MAU2: variants seen among roughly 807,000 people sequenced by gnomAD.
MAU2 encodes the protein MAU2 sister chromatid cohesion factor, also known as MAU2 chromatid cohesion factor homolog.
MAU2 carries 9 observed loss-of-function variants against 89.1 expected under a neutral mutation model. The observed-to-expected ratio is 0.10, with a 90% CI of 0.06 to 0.18. The LOEUF is 0.18. MAU2 is among the 10% of genes least tolerant of loss of function. MAU2 has a pLI of 1.00. For synonymous variants in MAU2, 357 were observed against 343.4 expected, an observed-to-expected ratio of 1.04 and a Z score of -0.44; for missense variants, 425 against 803.5, an observed-to-expected ratio of 0.53 and a Z score of 5.69.
rs150150358 is a variant in MAU2 at position 19,348,918 on chromosome 19, G to A, written c.1338G>A (p.Pro446=). The A allele has an allele frequency of 8.1e-5, 131 of 1,613,634 alleles. No homozygotes were observed. In the Middle Eastern group the frequency reaches 3.8e-3, roughly 47 times the overall value. The change falls in exon 14 of 19, where the codon CCG becomes CCA. Residue 446 remains proline, a synonymous_variant. Coordinates refer to ENST00000262815, the MANE Select transcript of MAU2 (RefSeq NM_015329.4). ...VLYSLLERIN[P]DHSFPVSSHC... is the part of the protein sequence containing the mutation. ...ACAGTCTGCTGGAGAGGATCAACCCGGACCACAGCTTCCCTGTCAGGTGAG... is the reference window on the plus strand; with the variant it reads ...ACAGTCTGCTGGAGAGGATCAACCCAGACCACAGCTTCCCTGTCAGGTGAG...
rs2061713429 is a variant in MAU2, at chr19:19,348,456, G to A, written c.1309-433G>A. 6 of 277,142 alleles carry A rather than the reference G, an allele frequency of 2.2e-5. No homozygotes were observed. The South Asian group carries it at 2.2e-4, about 10-fold the overall frequency. 17.2% of individuals were successfully genotyped at this position (277,142 alleles called of 1,614,324 possible). On this transcript the variant is annotated intron_variant, in intron 13 of 18. Coordinates refer to ENST00000262815, the MANE Select transcript of MAU2 (RefSeq NM_015329.4). ...AGGAGTTTGGCTCCCCTGTGCCTCT[G>A]CAGCTAGAGGGCAGCTAAATTATCA... is the stretch of plus-strand genomic sequence containing the variant.
chr19:19,345,477 GC>G lies in MAU2; in HGVS notation c.1221+110del. The stretch of plus-strand genomic sequence containing the variant: ...AGTCGCGCTAGGTCAGCTATGCAAA[GC>G]CGCAGCCCCAGAGGCAATGCACAGT... On this transcript the variant is annotated intron_variant, in intron 12 of 18. Coordinates refer to ENST00000262815, the MANE Select transcript of MAU2 (RefSeq NM_015329.4). This position sits in a 1 kb window ranked among gnomAD's most constrained non-coding sequence, Gnocchi z 4.9. 1 of 1,072,690 alleles carries G rather than the reference GC, an allele frequency of 9.3e-7. No homozygotes were observed. Among genetic ancestry groups the G allele is most frequent in the Non-Finnish European group, 1.4e-6 (1 of 709,124 alleles). 66.4% of individuals were successfully genotyped at this position (1,072,690 alleles called of 1,614,324 possible).
In MAU2 at chr19:19,345,241, G is replaced by GT. The variant is rs2061683542; in HGVS notation, c.1156-62dup. ...GCCGTGCAGGCCCCGGGCACACCAC[G>GT]TGTCTCTGATCTGAGCCCCCTCCCC... On this transcript the variant is annotated intron_variant, in intron 11 of 18. Coordinates refer to ENST00000262815, the MANE Select transcript of MAU2 (RefSeq NM_015329.4). The surrounding 1 kb of genome is among the most constrained non-coding windows in gnomAD (Gnocchi z 4.9). 2.1e-6 allele frequency: 3 copies of GT among 1,453,236 alleles called. No individual in the cohort carries two copies. Among genetic ancestry groups the GT allele is most frequent in the Non-Finnish European group, 2.9e-6 (3 of 1,035,180 alleles). 90.0% of individuals were successfully genotyped at this position (1,453,236 alleles called of 1,614,324 possible).
rs768400164 is a variant in MAU2, at chr19:19,335,732, G to A, written c.291G>A (p.Gln97=). The A allele has an allele frequency of 6.2e-7, 1 of 1,614,070 alleles. No individual in the cohort carries two copies. Among genetic ancestry groups the A allele is most frequent in the Non-Finnish European group, 8.5e-7 (1 of 1,179,912 alleles). ...TTCTTTTTCAGTGGTTGATATCACA[G>A]CAAGTATCCTTTCCGTGTTGGTATG... is the stretch of plus-strand genomic sequence containing the variant. The part of the protein sequence containing the change: ...SHLEKAWLIS[Q]QIPQFEDVKF... The change falls in exon 2 of 19, where the codon CAG becomes CAA. Residue 97 remains glutamine (Q), a synonymous_variant. Coordinates refer to ENST00000262815, the MANE Select transcript of MAU2 (RefSeq NM_015329.4).
At chr19:19,334,149 C>G in intron 1 of MAU2, 1 of 984,972 alleles carries the variant, frequency 1.0e-6, no homozygotes, top group Non-Finnish European at 1.2e-6. Flanking sequence ...TTGCATCACA[C>G]ACGTTGCCAC....
At chr19:19,329,230 C>G (rs2061535548) in intron 1 of MAU2, 1 of 423,006 alleles carries the variant, frequency 2.4e-6, no homozygotes, top group Non-Finnish European at 4.7e-6. Context: ...CTGCAGGGAG[C>G]AGAGACTTGT....
intron 1 of MAU2, among the ~76,000 whole-genome samples, chr19:19,327,778 G>A (rs941350749): frequency 4.6e-5 from 7 of 152,044 alleles, no homozygotes; most frequent in African/African-American, 1.7e-4. Flanking sequence ...CCCTGGGTCT[G>A]CTCAGCAGAT....
chr19:19,332,940 G>A (rs975648772), intron 1 of MAU2, among the ~76,000 whole-genome samples: 9 of 152,122 alleles, frequency 5.9e-5, no homozygotes, highest in Non-Finnish European at 1.0e-4. Context: ...AGCCAGGCAT[G>A]GTGGCGCATG....
intron 1 of MAU2, among the ~76,000 whole-genome samples, chr19:19,331,890 G>A (rs1301011821): frequency 6.6e-6 from 1 of 152,220 alleles, no homozygotes; most frequent in Non-Finnish European, 1.5e-5. Context: ...CATGCAGAGA[G>A]ATCCAGGTGT....
intron 1 of MAU2, 31 bp downstream of exon 1, chr19:19,321,166 T>C (rs1329024890): frequency 6.5e-7 from 1 of 1,549,240 alleles, no homozygotes; most frequent in South Asian, 1.2e-5. Context: ...GAGGGAGGAG[T>C]CGCGGGCTCC....
chr19:19,354,573 C>G, intron 17 of MAU2, 128 bp downstream of exon 17: 2 of 787,518 alleles, frequency 2.5e-6, no homozygotes, highest in Non-Finnish European at 2.1e-6. Context: ...CCAGTTCTAG[C>G]ATGGGTAGGG....
rs75891480 is a variant in MAU2, at chr19:19,343,526, G to A, written c.974-311G>A. Among the ~76,000 whole-genome samples the A allele has an allele frequency of 3.2e-3, 478 of 149,878 alleles. 3 individuals carry two copies. Among genetic ancestry groups the A allele is most frequent in the African/African-American group, 0.011 (458 of 41,386 alleles). On this transcript the variant is annotated intron_variant, in intron 9 of 18. Coordinates refer to ENST00000262815, the MANE Select transcript of MAU2 (RefSeq NM_015329.4). ...CTGCATGGTGTCATGATCCAGGGTGGTTTCCACATTTCTACATTTCTAGAA... is the reference window on the plus strand; with the variant it reads ...CTGCATGGTGTCATGATCCAGGGTGATTTCCACATTTCTACATTTCTAGAA...
chr19:19,332,213 TGCAACA>T (rs1331106259), intron 1 of MAU2, among the ~76,000 whole-genome samples: 1 of 151,304 alleles, frequency 6.6e-6, no homozygotes, highest in Non-Finnish European at 1.5e-5. Flanking sequence ...CAGGCTGGAG[TGCAACA>T]GCACAATCAT....
intron 5 of MAU2, 110 bp downstream of exon 5, chr19:19,339,049 C>T (rs1157711542): frequency 2.4e-6 from 2 of 837,086 alleles, no homozygotes; most frequent in Non-Finnish European, 3.7e-6. Flanking sequence ...TACAGTAGCT[C>T]ACAGTATATT....
chr19:19,351,260 C>G (rs1189712770), intron 16 of MAU2, among the ~76,000 whole-genome samples: 11 of 151,902 alleles, frequency 7.2e-5, no homozygotes, highest in Admixed American at 5.9e-4. Flanking sequence ...GTTACCCAGA[C>G]TGGTCTTGAA....
In MAU2 at chr19:19,321,060, A is replaced by C; in HGVS notation, c.201A>C (p.Thr67=). Residue 67 remains threonine, a synonymous_variant, in exon 1 of 19, where the codon ACA becomes ACC. Coordinates refer to ENST00000262815, the MANE Select transcript of MAU2 (RefSeq NM_015329.4). ...CGCCGCAGCGCATCGAGGCCCGTAC[A>C]CACCTGCAGCTGGGCTCCGTTCTCT... The part of the protein sequence containing the change: ...FKPPQRIEAR[T]HLQLGSVLYH... The C allele has an allele frequency of 1.2e-6, 2 of 1,612,464 alleles. No individual in the cohort carries two copies. The highest frequency in any genetic ancestry group is 2.2e-5 in the East Asian group (1 of 44,794).
At position 19,325,644 on chromosome 19, in the gene MAU2, TA is replaced by T. The variant is rs1398383929; in HGVS notation, c.276+4511del. 3.4e-4 allele frequency among the ~76,000 whole-genome samples: 51 copies of T among 152,084 alleles called. 1 individual carries two copies. The highest frequency in any genetic ancestry group is 1.5e-5 in the Non-Finnish European group (1 of 67,986). On this transcript the variant is annotated intron_variant, in intron 1 of 18. Transcript: ENST00000262815. Reference sequence around the variant, plus strand: ...ACAGGCATGTGCCACCATGCCCAGCTAATTTTGTATTTTTAGTAGAAACAAG... The same window carrying T: ...ACAGGCATGTGCCACCATGCCCAGCTATTTTGTATTTTTAGTAGAAACAAG...
At chr19:19,334,578 G>A in intron 1 of MAU2, 3 of 985,486 alleles carry the variant, frequency 3.0e-6, no homozygotes, top group Non-Finnish European at 3.6e-6. Context: ...CATCCAGGAT[G>A]GTCTGAAAAC....
intron 1 of MAU2, among the ~76,000 whole-genome samples, chr19:19,326,734 A>ATC (rs1784737241): frequency 7.8e-6 from 1 of 128,046 alleles, no homozygotes; most frequent in Non-Finnish European, 1.7e-5. Flanking sequence ...ATATATATAT[A>ATC]TACACAAAAA....
Sources: allele counts gnomAD v4.1 joint callset (sites outside exome capture counted in the v4.1 genomes callset), GRCh38; gene constraint gnomAD v4.1.1; non-coding constraint Gnocchi (gnomAD v3.1); transcripts MANE v1.5; gene names NCBI Gene and HGNC (gene_info 2026-07-23, HGNC 2026-07-21).